Variants in USP31 observed in about 807,000 individuals in gnomAD.
The protein encoded by USP31 is ubiquitin carboxyl-terminal hydrolase 31.
A neutral mutation model predicts 119.4 loss-of-function variants in USP31; 44 were observed. That is an observed-to-expected ratio of 0.37 (90% CI 0.29 to 0.47). USP31 has a LOEUF of 0.47. Ranked by LOEUF, USP31 falls within the 20% of genes least tolerant of loss-of-function variation. The probability of loss-of-function intolerance (pLI) is 0.99; values close to 1 mark genes in which losing one functional copy is unlikely to be tolerated. For synonymous variants in USP31, 749 were observed against 705.6 expected (o/e 1.06, Z -0.97); for missense variants, 1,643 against 1,730.2 (o/e 0.95, Z 0.89).
intron 5 of USP31, 125 bp downstream of exon 5, chr16:23,105,316 T>A (rs933030418): frequency 3.8e-5 from 48 of 1,254,312 alleles, no homozygotes; most frequent in Non-Finnish European, 4.9e-5. Context: ...TTCCCTAAAC[T>A]CTAAATGCAA....
At position 23,108,095 on chromosome 16, in the gene USP31, T is replaced by C; in HGVS notation, c.722A>G (p.His241Arg). The C allele has an allele frequency of 6.2e-7, 1 of 1,614,116 alleles. No homozygotes were observed. The highest frequency in any genetic ancestry group is 1.1e-5 in the South Asian group (1 of 91,072). Residue 241 changes from histidine to arginine, a missense_variant, in exon 2 of 16, where the codon CAT (histidine) becomes CGT (arginine). Physicochemically the swap from His to Arg is conservative, Grantham distance 29. Transcript: ENST00000219689. ...CTTCACTGAATGGTTGAGGTCTTCATGAACTCGGTCCAAAAGCCACAGCAG... is the reference window on the plus strand; with the variant it reads ...CTTCACTGAATGGTTGAGGTCTTCACGAACTCGGTCCAAAAGCCACAGCAG... The part of the protein sequence containing the change: ...EFLLWLLDRV[H>R]EDLNHSVKQS...
chr16:23,068,728 G>T lies in USP31; in HGVS notation c.3377C>A (p.Ser1126Tyr). ...KSASALTYTASSTSAKKASGP... is the reference protein window; with the variant it reads ...KSASALTYTAYSTSAKKASGP... ...CGAGGCCTTTTTGGCAGATGTGGAG[G>T]AAGCAGTGTAGGTGAGGGCCGAGGC... The change falls in exon 16 of 16, where the codon TCC becomes TAC. Residue 1126 changes from serine (S) to tyrosine (Y), a missense_variant. This residue lies in a region of USP31 where 699 missense variants were observed against 650.9 expected (regional missense o/e 1.07). Coordinates refer to ENST00000219689, the MANE Select transcript of USP31 (RefSeq NM_020718.4). 6.2e-7 allele frequency: 1 copy of T among 1,611,364 alleles called. No homozygotes were observed. The highest frequency in any genetic ancestry group is 8.5e-7 in the Non-Finnish European group (1 of 1,178,850).
chr16:23,082,829 CTCTTTT>C (rs2141842337), intron 11 of USP31, among the ~76,000 whole-genome samples: 1 of 116,404 alleles, frequency 8.6e-6, no homozygotes, highest in South Asian at 2.7e-4. Flanking sequence ...TTCTTTCTCT[CTCTTTT>C]TTTTTTTTTT....
intron 6 of USP31, among the ~76,000 whole-genome samples, chr16:23,092,919 A>C (rs1046558980): frequency 4.6e-5 from 7 of 152,184 alleles, no homozygotes; most frequent in Non-Finnish European, 4.4e-5. Context: ...AAGAGCACCA[A>C]GACCATTCAA....
intron 1 of USP31, among the ~76,000 whole-genome samples, chr16:23,114,708 T>A (rs1158201826): frequency 6.6e-6 from 1 of 152,324 alleles, no homozygotes; most frequent in Non-Finnish European, 1.5e-5. Context: ...ACAACATGTT[T>A]GTTGGGCACG....
At chr16:23,070,773 G>A (rs892554478) in intron 15 of USP31, among the ~76,000 whole-genome samples, 7 of 150,738 alleles carry the variant, frequency 4.6e-5, no homozygotes, top group East Asian at 1.9e-4. Flanking sequence ...GGCTCAAAAC[G>A]TCCTAAGAAA....
rs148599139 is a variant in USP31 at position 23,063,498 on chromosome 16, A to G, written c.*4548T>C. 6.6e-6 allele frequency: 1 copy of G among 152,656 alleles called. No individual in the cohort carries two copies. Among genetic ancestry groups the G allele is most frequent in the African/African-American group, 2.4e-5 (1 of 41,468 alleles). 9.5% of individuals were successfully genotyped at this position (152,656 alleles called of 1,614,324 possible). On this transcript the variant is annotated 3_prime_UTR_variant, in exon 16 of 16. Coordinates refer to ENST00000219689, the MANE Select transcript of USP31 (RefSeq NM_020718.4). ...AATGGCAGGTTATTTTTAGAACAAA[A>G]CACTTTAGGAAAGTCTTCAGGCTAA...
intron 13 of USP31, among the ~76,000 whole-genome samples, chr16:23,077,889 G>C (rs1900649015): frequency 6.6e-6 from 1 of 152,164 alleles, no homozygotes; most frequent in Non-Finnish European, 1.5e-5. Flanking sequence ...TTCAAAAAAA[G>C]TGAAAGAGCA....
At chr16:23,099,419 C>A (rs1901754291) in intron 6 of USP31, among the ~76,000 whole-genome samples, 3 of 152,164 alleles carry the variant, frequency 2.0e-5, no homozygotes, top group Admixed American at 6.5e-5. Context: ...TGCAATTCCT[C>A]AAGGATCTAG....
At chr16:23,147,278 T>C (rs1160742936) in intron 1 of USP31, among the ~76,000 whole-genome samples, 1 of 152,096 alleles carries the variant, frequency 6.6e-6, no homozygotes, top group Non-Finnish European at 1.5e-5. Context: ...CCGTCTAATT[T>C]TGTATTTTTA....
At chr16:23,118,905 G>A (rs1332275589) in intron 1 of USP31, among the ~76,000 whole-genome samples, 12 of 151,604 alleles carry the variant, frequency 7.9e-5, no homozygotes, top group Non-Finnish European at 1.6e-4. Flanking sequence ...CCCAGGAGGC[G>A]GAGGTTGCAG....
intron 1 of USP31, chr16:23,115,833 A>AAC: frequency 2.1e-6 from 2 of 958,242 alleles, no homozygotes; most frequent in Non-Finnish European, 2.5e-6. Flanking sequence ...TTTTCCCTTA[A>AAC]AGAAAAAAAA....
intron 2 of USP31, among the ~76,000 whole-genome samples, chr16:23,107,167 T>C (rs1420379895): frequency 6.6e-6 from 1 of 152,122 alleles, no homozygotes; most frequent in African/African-American, 2.4e-5. Flanking sequence ...TAGTACCTAT[T>C]ACCTGTGCTC....
chr16:23,145,864 A>G (rs1177355036), intron 1 of USP31, among the ~76,000 whole-genome samples: 2 of 152,168 alleles, frequency 1.3e-5, no homozygotes, highest in East Asian at 3.9e-4. Flanking sequence ...TTCCTAACTG[A>G]TTAAGTAAGC....
At chr16:23,133,416 T>C (rs1013127849) in intron 1 of USP31, among the ~76,000 whole-genome samples, 9 of 152,202 alleles carry the variant, frequency 5.9e-5, no homozygotes, top group African/African-American at 2.2e-4. Flanking sequence ...AGATTCGATG[T>C]TGAATAAGAC....
chr16:23,131,507 G>A (rs996815022), intron 1 of USP31, among the ~76,000 whole-genome samples: 1 of 151,980 alleles, frequency 6.6e-6, no homozygotes, highest in African/African-American at 2.4e-5. Context: ...CCTAGGTTAG[G>A]TCCTCATCCA....
Position 23,148,781 on chromosome 16 carries a change from C to T in USP31, c.490G>A (p.Gly164Arg). 1 of 1,533,782 alleles carries T rather than the reference C, an allele frequency of 6.5e-7. No homozygotes were observed. Among genetic ancestry groups the T allele is most frequent in the South Asian group, 1.2e-5 (1 of 81,080 alleles). ...EYLALGQYRA[G>R]RPEPSPDPEQ... The stretch of plus-strand genomic sequence containing the variant: ...GGGTCAGGCGAGGGCTCGGGCCGCC[C>T]CGCCCGGTACTGGCCCAGCGCCAGG... The change falls in exon 1 of 16, where the codon GGG becomes AGG. Residue 164 changes from glycine to arginine, a missense_variant. Coordinates refer to ENST00000219689, the MANE Select transcript of USP31 (RefSeq NM_020718.4).
rs1443814720 is a variant in USP31 at position 23,066,144 on chromosome 16, T to TA, written c.*1901dup. ...TGAGAACCCACCAAAATCTGAACAG[T>TA]AAAACCAGGACAGCGAGTGAAGAAG... On this transcript the variant is annotated 3_prime_UTR_variant, in exon 16 of 16. Coordinates refer to ENST00000219689, the MANE Select transcript of USP31 (RefSeq NM_020718.4). 6.6e-6 allele frequency: 1 copy of TA among 152,210 alleles called. No individual in the cohort carries two copies. Among genetic ancestry groups the TA allele is most frequent in the African/African-American group, 2.4e-5 (1 of 41,424 alleles). The allele number at this position is 152,210 out of a possible 1,614,324, so 9.4% of individuals were successfully genotyped here.
At position 23,090,802 on chromosome 16, in the gene USP31, T is replaced by G. The variant is rs1228662982; in HGVS notation, c.1237A>C (p.Ile413Leu). Residue 413 changes from isoleucine (I) to leucine (L), a missense_variant and splice_region_variant, in exon 7 of 16, where the codon ATT (isoleucine) becomes CTT (leucine). Coordinates refer to ENST00000219689, the MANE Select transcript of USP31 (RefSeq NM_020718.4). Reference sequence around the variant, plus strand: ...TGGTTTAGGTTGTTGTTTAAATGAATTCCTGAAACAGAATAAAAACAACTC... The same window carrying G: ...TGGTTTAGGTTGTTGTTTAAATGAAGTCCTGAAACAGAATAAAAACAACTC... ...RPEGILSQRG[I>L]HLNNNLNHLK... 6.5e-7 allele frequency: 1 copy of G among 1,540,326 alleles called. No homozygotes were observed. Among genetic ancestry groups the G allele is most frequent in the Non-Finnish European group, 8.9e-7 (1 of 1,128,802 alleles).
Sources: gnomAD v4.1 joint callset for allele counts (sites outside exome capture counted in the v4.1 genomes callset) on GRCh38, gnomAD v4.1.1 for gene constraint, gnomAD v4.1.1 regional missense constraint, MANE v1.5 for transcripts, NCBI Gene and HGNC (gene_info 2026-07-23, HGNC 2026-07-21) for gene names.